The following CALB2 variants were observed in gnomAD, a reference collection of about 807,000 sequenced individuals.
The protein encoded by CALB2 is calbindin 2.
CALB2 carries 34 observed loss-of-function variants against 45.9 expected under a neutral mutation model. That is an observed-to-expected ratio of 0.74 (90% CI 0.56 to 0.99). The LOEUF is 0.99. CALB2 is among the 50% of genes least tolerant of loss of function. The pLI is 0.00. For missense variants in CALB2, 344 were observed against 339.3 expected (o/e 1.01, Z -0.11); for synonymous variants, 142 against 129.6 (o/e 1.10, Z -0.65).
At chr16:71,371,428 C>A (rs1202496110) in intron 1 of CALB2, among the ~76,000 whole-genome samples, 2 of 152,192 alleles carry the variant, frequency 1.3e-5, no homozygotes, top group African/African-American at 4.8e-5. Context: ...GAAATGTATT[C>A]TCTCACATTT....
intron 6 of CALB2, 122 bp from the exon 7 acceptor site, chr16:71,383,847 CG>C: frequency 8.8e-7 from 1 of 1,132,394 alleles, no homozygotes; most frequent in South Asian, 1.3e-5. Flanking sequence ...TTGGCCCCTA[CG>C]GACCTCAGAG....
At chr16:71,365,197 A>C (rs922055561) in intron 1 of CALB2, among the ~76,000 whole-genome samples, 1 of 152,196 alleles carries the variant, frequency 6.6e-6, no homozygotes, top group Non-Finnish European at 1.5e-5. Flanking sequence ...ATAGACCGAC[A>C]AGCGGCCTGG....
intron 1 of CALB2, 46 bp from the exon 2 acceptor site, chr16:71,372,107 C>A: frequency 1.5e-6 from 2 of 1,362,462 alleles, no homozygotes; most frequent in Admixed American, 1.7e-5. Flanking sequence ...CCGTGCCCCC[C>A]TTACTATTTA....
intron 2 of CALB2, among the ~76,000 whole-genome samples, chr16:71,374,398 T>C (rs2042386945): frequency 6.6e-6 from 1 of 152,224 alleles, no homozygotes. Context: ...CAGTAAAATG[T>C]TGAGGCCTTA....
chr16:71,373,331 A>C (rs2042374306), intron 2 of CALB2, among the ~76,000 whole-genome samples: 1 of 152,132 alleles, frequency 6.6e-6, no homozygotes, highest in South Asian at 2.1e-4. Context: ...AGAGCGCCCC[A>C]ATGAGGAGGT....
At chr16:71,383,235 G>C in intron 5 of CALB2, 132 bp from the exon 6 acceptor site, 1 of 833,218 alleles carries the variant, frequency 1.2e-6, no homozygotes, top group Non-Finnish European at 2.0e-6. Context: ...TGAGGGCCCT[G>C]AGTCATAGAA....
chr16:71,384,043 G>T lies in CALB2; in HGVS notation c.533+18G>T, dbSNP rs186054618. 1.9e-6 allele frequency: 3 copies of T among 1,612,818 alleles called. No individual in the cohort carries two copies. Among genetic ancestry groups the T allele is most frequent in the Non-Finnish European group, 2.5e-6 (3 of 1,179,042 alleles). On this transcript the variant is annotated intron_variant, in intron 7 of 10. Transcript: ENST00000302628. ...ATGTCCCGGTAAGCACCTCACCCCC[G>T]GGGTCACTGATACTGGCTCCCACAG... is the stretch of plus-strand genomic sequence containing the variant.
At chr16:71,373,958 G>A (rs1598165638) in intron 2 of CALB2, among the ~76,000 whole-genome samples, 1 of 152,322 alleles carries the variant, frequency 6.6e-6, no homozygotes, top group South Asian at 2.1e-4. Flanking sequence ...CAATCCTGGG[G>A]AGCACACAAT....
intron 1 of CALB2, among the ~76,000 whole-genome samples, chr16:71,359,873 G>C (rs550309812): frequency 6.6e-6 from 1 of 152,244 alleles, no homozygotes; most frequent in Non-Finnish European, 1.5e-5. Context: ...CAGACATTTT[G>C]TGGTGTCTGT....
intron 1 of CALB2, among the ~76,000 whole-genome samples, chr16:71,368,988 C>T (rs891404413): frequency 6.6e-6 from 1 of 151,920 alleles, no homozygotes; most frequent in Non-Finnish European, 1.5e-5. Context: ...AAAAGATGGC[C>T]CCTAGAGATC....
rs541181606 is a variant in CALB2, at chr16:71,383,840, G to A, written c.478-130G>A. 6.7e-6 allele frequency: 7 copies of A among 1,049,498 alleles called. No individual in the cohort carries two copies. The South Asian group carries it at 8.2e-5, about 12-fold the overall frequency. 65.0% of individuals were successfully genotyped at this position (1,049,498 alleles called of 1,614,324 possible). A position where few individuals can be genotyped will look rare whatever the true frequency, so the allele number is the denominator to read the frequency against. Reference sequence around the variant, plus strand: ...CTGATTTAGCCCATGTTGGTTCTTGGCCCCTACGGACCTCAGAGGAAGCAT... The same window carrying A: ...CTGATTTAGCCCATGTTGGTTCTTGACCCCTACGGACCTCAGAGGAAGCAT... On this transcript the variant is annotated intron_variant, in intron 6 of 10. Transcript: ENST00000302628.
chr16:71,379,558 TC>T (rs2042461780), intron 4 of CALB2, among the ~76,000 whole-genome samples: 1 of 152,194 alleles, frequency 6.6e-6, no homozygotes, highest in South Asian at 2.1e-4. Context: ...GACTCCACAC[TC>T]TAACCATTCA....
At chr16:71,362,294 T>A (rs1356234582) in intron 1 of CALB2, among the ~76,000 whole-genome samples, 3 of 152,192 alleles carry the variant, frequency 2.0e-5, no homozygotes, top group African/African-American at 7.2e-5. Context: ...GCAGCAAAGT[T>A]GTGGCTCCAA....
intron 6 of CALB2, among the ~76,000 whole-genome samples, chr16:71,383,724 G>A (rs1018721112): frequency 2.6e-5 from 4 of 152,202 alleles, no homozygotes; most frequent in East Asian, 1.9e-4. Flanking sequence ...CTTTAGTGCC[G>A]GCCTGCTGTG....
At chr16:71,370,306 T>A (rs1410394695) in intron 1 of CALB2, among the ~76,000 whole-genome samples, 1 of 152,208 alleles carries the variant, frequency 6.6e-6, no homozygotes, top group African/African-American at 2.4e-5. Context: ...GCTCCTTTAT[T>A]TTCTCTGTTG....
intron 1 of CALB2, among the ~76,000 whole-genome samples, chr16:71,368,909 C>T (rs2042316064): frequency 6.6e-6 from 1 of 152,128 alleles, no homozygotes; most frequent in Non-Finnish European, 1.5e-5. Flanking sequence ...AAACCTCCTT[C>T]AAACCTTTCT....
At chr16:71,361,149 C>T (rs1443386278) in intron 1 of CALB2, among the ~76,000 whole-genome samples, 1 of 152,184 alleles carries the variant, frequency 6.6e-6, no homozygotes, top group Admixed American at 6.5e-5. Flanking sequence ...TTGATGCTTG[C>T]ACCTTCTTCC....
rs1846435268 is a variant in CALB2 at position 71,374,952 on chromosome 16, C to T, written c.261+118C>T. 1.1e-5 allele frequency: 7 copies of T among 647,422 alleles called. No individual in the cohort carries two copies. In the Admixed American group the frequency reaches 1.9e-4, roughly 17 times the overall value. The allele number at this position is 647,422 out of a possible 1,614,324, so 40.1% of individuals were successfully genotyped here. ...TGAGGTGGGGGCCTCAAAGCTCCTGCACCCCCAGCACTTGGGCTGACCAAA... is the reference window on the plus strand; with the variant it reads ...TGAGGTGGGGGCCTCAAAGCTCCTGTACCCCCAGCACTTGGGCTGACCAAA... On this transcript the variant is annotated intron_variant, in intron 3 of 10. Transcript: ENST00000302628.
chr16:71,360,463 C>A (rs1157199196), intron 1 of CALB2, among the ~76,000 whole-genome samples: 1 of 152,186 alleles, frequency 6.6e-6, no homozygotes, highest in African/African-American at 2.4e-5. Flanking sequence ...TCCCTTGGTA[C>A]AAAGTGCTCT....
Sources: allele counts gnomAD v4.1 joint callset (sites outside exome capture counted in the v4.1 genomes callset), GRCh38; gene constraint gnomAD v4.1.1; transcripts MANE v1.5; gene names NCBI Gene and HGNC (gene_info 2026-07-23, HGNC 2026-07-21).